RALGAPA1: variants seen among roughly 807,000 people sequenced by gnomAD.
RALGAPA1 encodes the protein ral GTPase-activating protein subunit alpha-1.
RALGAPA1 carries 52 observed loss-of-function variants against 269.6 expected under a neutral mutation model. That is an observed-to-expected ratio of 0.19 (90% confidence interval 0.15 to 0.24). The LOEUF is 0.24. Among genes scored for constraint, RALGAPA1 ranks in the 10% least tolerant of loss-of-function variants. RALGAPA1 has a pLI of 1.00. For synonymous variants in RALGAPA1, 817 were observed against 1,008.3 expected (o/e 0.81, Z 3.60); for missense variants, 1,917 against 3,013.9 (o/e 0.64, Z 8.52).
intron 16 of RALGAPA1, among the ~76,000 whole-genome samples, chr14:35,704,123 T>C (rs2067594717): frequency 6.6e-6 from 1 of 152,168 alleles, no homozygotes; most frequent in Admixed American, 6.5e-5. Context: ...GAAATACCTG[T>C]TAAAGTCCCC....
intron 4 of RALGAPA1, among the ~76,000 whole-genome samples, chr14:35,764,249 T>A (rs765976126): frequency 4.0e-5 from 6 of 151,848 alleles, no homozygotes; most frequent in Non-Finnish European, 8.8e-5. Flanking sequence ...CACCACCAGG[T>A]CTGGCTAATT....
At chr14:35,601,373 T>C (rs1471905801) in intron 36 of RALGAPA1, among the ~76,000 whole-genome samples, 1 of 152,194 alleles carries the variant, frequency 6.6e-6, no homozygotes, top group Non-Finnish European at 1.5e-5. Context: ...TATTTGATAC[T>C]AGCCCAGTGT....
chr14:35,545,474 T>A (rs2054372941), intron 41 of RALGAPA1, among the ~76,000 whole-genome samples: 1 of 152,084 alleles, frequency 6.6e-6, no homozygotes, highest in African/African-American at 2.4e-5. Flanking sequence ...ATTAATTTTA[T>A]AATATTGCTT....
At chr14:35,800,766 AG>A (rs1397377295) in intron 1 of RALGAPA1, among the ~76,000 whole-genome samples, 8 of 152,230 alleles carry the variant, frequency 5.3e-5, no homozygotes, top group African/African-American at 1.9e-4. Context: ...GCACTTTGGG[AG>A]GCCCAGGCTG....
intron 28 of RALGAPA1, among the ~76,000 whole-genome samples, chr14:35,658,073 T>C (rs910609196): frequency 1.3e-5 from 2 of 152,206 alleles, no homozygotes; most frequent in Non-Finnish European, 2.9e-5. Flanking sequence ...AGCATCAGTA[T>C]CTGGCTAGCA....
chr14:35,766,566 C>CTACA (rs2074167477), intron 4 of RALGAPA1: 8 of 835,514 alleles, frequency 9.6e-6, no homozygotes, highest in Non-Finnish European at 1.7e-5. Flanking sequence ...ATCTGATGGG[C>CTACA]TACAATATGG....
intron 37 of RALGAPA1, among the ~76,000 whole-genome samples, chr14:35,588,218 C>T (rs972504093): frequency 6.6e-6 from 1 of 152,192 alleles, no homozygotes; most frequent in African/African-American, 2.4e-5. Context: ...CGTGAGCCAT[C>T]GCTCCCGGCC....
At chr14:35,658,405 G>T (rs2063336401) in intron 28 of RALGAPA1, among the ~76,000 whole-genome samples, 1 of 152,160 alleles carries the variant, frequency 6.6e-6, no homozygotes, top group Non-Finnish European at 1.5e-5. Flanking sequence ...CAAAAAATGT[G>T]TAGATGATTG....
At chr14:35,588,695 G>T (rs541319351) in intron 37 of RALGAPA1, among the ~76,000 whole-genome samples, 1 of 152,202 alleles carries the variant, frequency 6.6e-6, no homozygotes, top group Admixed American at 6.5e-5. Flanking sequence ...CAGTATGGGG[G>T]TTCTTCAAAA....
chr14:35,707,481 T>G (rs2067909830), intron 16 of RALGAPA1: 1 of 152,188 alleles, frequency 6.6e-6, no homozygotes, highest in Non-Finnish European at 1.5e-5. Flanking sequence ...AAGTTCTCCT[T>G]ATTCCTACTT....
intron 7 of RALGAPA1, chr14:35,756,477 A>G (rs772492469): frequency 6.3e-6 from 1 of 159,474 alleles, no homozygotes; most frequent in South Asian, 1.9e-4. Flanking sequence ...AAACACGAAG[A>G]GGGAATTTTT....
At chr14:35,783,272 C>A (rs988431011) in intron 1 of RALGAPA1, among the ~76,000 whole-genome samples, 1 of 151,508 alleles carries the variant, frequency 6.6e-6, no homozygotes. Context: ...AACTGATCAT[C>A]GACAAGGGTA....
At chr14:35,716,892 C>T (rs1421380842) in intron 16 of RALGAPA1, among the ~76,000 whole-genome samples, 3 of 152,070 alleles carry the variant, frequency 2.0e-5, no homozygotes, top group Admixed American at 1.3e-4. Flanking sequence ...ATTCCAGGTC[C>T]CTCCATTGTA....
intron 35 of RALGAPA1, among the ~76,000 whole-genome samples, chr14:35,620,671 A>G (rs1242712347): frequency 2.0e-5 from 3 of 152,244 alleles, no homozygotes; most frequent in African/African-American, 7.2e-5. Context: ...AAGTCTCAGG[A>G]TACAAAATCA....
At chr14:35,622,211 G>A (rs1302906519) in intron 35 of RALGAPA1, among the ~76,000 whole-genome samples, 1 of 152,202 alleles carries the variant, frequency 6.6e-6, no homozygotes, top group Non-Finnish European at 1.5e-5. Flanking sequence ...AATGTCCTTT[G>A]CAGGGACATG....
At chr14:35,775,176 CAT>C in intron 2 of RALGAPA1, 121 bp from the exon 3 acceptor site, 1 of 634,184 alleles carries the variant, frequency 1.6e-6, no homozygotes, top group Non-Finnish European at 2.8e-6. Flanking sequence ...ATGTTTAAAG[CAT>C]ATTCCATTCA....
At position 35,674,405 on chromosome 14, in the gene RALGAPA1, C is replaced by G. The variant is rs1225065206; in HGVS notation, c.4818+111G>C. ...ATTACAATTAAGTGACTTTGCCATG[C>G]AGGGTACCAGTTTATAGTCAAAAAG... On this transcript the variant is annotated intron_variant, in intron 23 of 41. Transcript: ENST00000680220. 5 of 1,232,314 alleles carry G rather than the reference C, an allele frequency of 4.1e-6. No individual in the cohort carries two copies. In the Admixed American group the frequency reaches 1.3e-4, roughly 31 times the overall value. 76.3% of individuals were successfully genotyped at this position (1,232,314 alleles called of 1,614,324 possible). A position where few individuals can be genotyped will look rare whatever the true frequency, so the allele number is the denominator to read the frequency against.
chr14:35,689,914 A>C lies in RALGAPA1; in HGVS notation c.2497T>G (p.Leu833Val). 2 of 1,602,068 alleles carry C rather than the reference A, an allele frequency of 1.2e-6. No individual in the cohort carries two copies. The highest frequency in any genetic ancestry group is 2.2e-5 in the South Asian group (2 of 89,050). ...CGAGGCAATGGCTGCTCCTCATTCA[A>C]AGCACCAAAAACTTCATTTCCAGTT... ...EETGNEVFGA[L>V]NEEQPLPRSS... The change falls in exon 18 of 42, where the codon TTG becomes GTG. Residue 833 changes from leucine to valine, a missense_variant. This residue lies in a region of RALGAPA1 where 125 missense variants were observed against 155.7 expected (regional missense o/e 0.80). Transcript: ENST00000680220.
chr14:35,610,012 T>C (rs2059830308), intron 35 of RALGAPA1, among the ~76,000 whole-genome samples: 1 of 144,168 alleles, frequency 6.9e-6, no homozygotes. Context: ...AAGACTACAG[T>C]GGAAATAAAT....
Sources: allele counts gnomAD v4.1 joint callset (sites outside exome capture counted in the v4.1 genomes callset), GRCh38; gene constraint gnomAD v4.1.1; regional missense constraint gnomAD v4.1.1; transcripts MANE v1.5; gene names NCBI Gene and HGNC (gene_info 2026-07-23, HGNC 2026-07-21).